CPEB3: variants seen among roughly 807,000 people sequenced by gnomAD.
CPEB3 encodes cytoplasmic polyadenylation element binding protein 3.
CPEB3 carries 20 observed loss-of-function variants against 67.2 expected under a neutral mutation model. The ratio of observed to expected loss-of-function variants is 0.30; its 90% CI spans 0.21 to 0.43. The LOEUF is 0.43. Ranked by LOEUF, CPEB3 falls within the 20% of genes least tolerant of loss-of-function variation. CPEB3 has a pLI of 1.00. For missense variants in CPEB3, 746 were observed against 968.6 expected (o/e 0.77, Z 3.05); for synonymous variants, 376 against 393.1 (o/e 0.96, Z 0.51).
At chr10:92,128,247 C>A (rs1340019893) in intron 6 of CPEB3, among the ~76,000 whole-genome samples, 3 of 152,216 alleles carry the variant, frequency 2.0e-5, no homozygotes, top group Admixed American at 2.0e-4. Flanking sequence ...AATCTTTTGG[C>A]TTCCCTGGGC....
chr10:92,064,531 T>C (rs1276861832), intron 9 of CPEB3, among the ~76,000 whole-genome samples: 1 of 152,184 alleles, frequency 6.6e-6, no homozygotes, highest in Non-Finnish European at 1.5e-5. Context: ...CAAGGGGCCA[T>C]TGCATTGTCA....
intron 6 of CPEB3, among the ~76,000 whole-genome samples, chr10:92,136,046 G>A (rs1036315604): frequency 3.3e-5 from 5 of 151,966 alleles, no homozygotes; most frequent in Admixed American, 1.3e-4. Context: ...AGCATTAGGA[G>A]AAATACCTAT....
intron 1 of CPEB3, among the ~76,000 whole-genome samples, chr10:92,247,224 A>G (rs1169201696): frequency 6.6e-6 from 1 of 151,770 alleles, no homozygotes; most frequent in African/African-American, 2.4e-5. Context: ...TTATTTTTTT[A>G]TTGTTTTTTC....
rs1211646953 is a variant in CPEB3, at chr10:92,250,858, A to ATTTT, written c.-11-10501_-11-10498dup. Among the ~76,000 whole-genome samples the ATTTT allele has an allele frequency of 3.2e-4, 33 of 104,108 alleles. 1 individual carries two copies. The highest frequency in any genetic ancestry group is 6.0e-4 in the South Asian group (2 of 3,336). The allele number at this position is 104,108 out of a possible 152,430, so 68.3% of individuals were successfully genotyped here. On this transcript the variant is annotated intron_variant, in intron 1 of 9. Coordinates refer to ENST00000265997, the MANE Select transcript of CPEB3 (RefSeq NM_014912.5). Reference sequence around the variant, plus strand: ...GCGCCTGCCACCACACACACAGTTAATTTTTTTTTTTTTTTTTTTTTTTTT... The same window carrying ATTTT: ...GCGCCTGCCACCACACACACAGTTAATTTTTTTTTTTTTTTTTTTTTTTTTTTTT...
chr10:92,172,786 G>A (rs1034492611), intron 4 of CPEB3, among the ~76,000 whole-genome samples: 1 of 152,178 alleles, frequency 6.6e-6, no homozygotes, highest in African/African-American at 2.4e-5. Flanking sequence ...TAAAGTTGGT[G>A]CTCAAGAAAA....
intron 6 of CPEB3, among the ~76,000 whole-genome samples, chr10:92,124,537 C>G (rs1403561737): frequency 6.6e-6 from 1 of 152,060 alleles, no homozygotes; most frequent in African/African-American, 2.4e-5. Context: ...AAATCACAAT[C>G]AAGTAAAATA....
chr10:92,270,451 T>C (rs181235221), intron 1 of CPEB3, among the ~76,000 whole-genome samples: 77 of 151,816 alleles, frequency 5.1e-4, no homozygotes, highest in African/African-American at 1.7e-3. Context: ...AGTAGCCAGG[T>C]GCTAGAACTC....
intron 4 of CPEB3, among the ~76,000 whole-genome samples, chr10:92,163,384 A>T (rs11186842): frequency 0.19 from 29,042 of 152,156 alleles, 3,574 homozygotes; most frequent in Non-Finnish European, 0.28. Flanking sequence ...CAGTGAGCCA[A>T]GATTGAGCCA....
intron 1 of CPEB3, among the ~76,000 whole-genome samples, chr10:92,286,128 G>T (rs111282414): frequency 1.4e-3 from 215 of 151,666 alleles, no homozygotes; most frequent in Middle Eastern, 6.8e-3. Context: ...GTAGAGACAG[G>T]GTTTCACTGT....
chr10:92,154,131 G>T (rs1002875952), intron 4 of CPEB3, among the ~76,000 whole-genome samples: 2 of 152,224 alleles, frequency 1.3e-5, no homozygotes, highest in African/African-American at 4.8e-5. Flanking sequence ...TATTAAATGT[G>T]TAGGCAAAAG....
At chr10:92,221,454 G>T (rs941702925) in intron 2 of CPEB3, among the ~76,000 whole-genome samples, 7 of 152,138 alleles carry the variant, frequency 4.6e-5, no homozygotes, top group Admixed American at 3.3e-4. Flanking sequence ...GATCACGCCA[G>T]TGCACTCCAG....
Position 92,240,070 on chromosome 10 carries a change from T to G in CPEB3, c.281A>C (p.Gln94Pro), listed in dbSNP as rs1851760419. 4 of 1,588,306 alleles carry G rather than the reference T, an allele frequency of 2.5e-6. No individual in the cohort carries two copies. Among genetic ancestry groups the G allele is most frequent in the Admixed American group, 3.6e-5 (2 of 55,584 alleles). The part of the protein sequence containing the change: ...HQPPQQPPPP[Q>P]EPAAPGASLS... Reference sequence around the variant, plus strand: ...CGACGCGCCCGGTGCCGCGGGCTCCTGAGGCGGCGGCGGCTGCTGAGGAGG... The same window carrying G: ...CGACGCGCCCGGTGCCGCGGGCTCCGGAGGCGGCGGCGGCTGCTGAGGAGG... Residue 94 changes from glutamine (Q) to proline (P), a missense_variant, in exon 2 of 10, where the codon CAG becomes CCG. Physicochemically the swap from Gln to Pro is moderately conservative, Grantham distance 76. Coordinates refer to ENST00000265997, the MANE Select transcript of CPEB3 (RefSeq NM_014912.5).
chr10:92,115,255 G>C (rs563263949), intron 6 of CPEB3, among the ~76,000 whole-genome samples: 6 of 152,350 alleles, frequency 3.9e-5, no homozygotes, highest in African/African-American at 1.4e-4. Flanking sequence ...CCGGATTCAA[G>C]TGATTCTCCT....
chr10:92,106,455 G>A (rs1844459110), intron 7 of CPEB3, among the ~76,000 whole-genome samples: 1 of 152,212 alleles, frequency 6.6e-6, no homozygotes. Context: ...ACATGATGTG[G>A]TGATCAGGGA....
intron 4 of CPEB3, among the ~76,000 whole-genome samples, chr10:92,168,412 C>T (rs1847844839): frequency 6.6e-6 from 1 of 152,150 alleles, no homozygotes; most frequent in African/African-American, 2.4e-5. Context: ...AATAAAGAGG[C>T]TTGCTTCAAG....
intron 1 of CPEB3, among the ~76,000 whole-genome samples, chr10:92,266,273 A>G (rs1853052856): frequency 6.6e-6 from 1 of 152,064 alleles, no homozygotes; most frequent in African/African-American, 2.4e-5. Context: ...GAAACATCCC[A>G]CTCTAAACAA....
chr10:92,213,252 T>C (rs1482617526), intron 2 of CPEB3, among the ~76,000 whole-genome samples: 1 of 152,206 alleles, frequency 6.6e-6, no homozygotes, highest in Non-Finnish European at 1.5e-5. Flanking sequence ...AGGTAGTGCT[T>C]GCTCAGCAAG....
intron 4 of CPEB3, among the ~76,000 whole-genome samples, chr10:92,164,777 A>C (rs1847657347): frequency 6.6e-6 from 1 of 152,228 alleles, no homozygotes; most frequent in Admixed American, 6.5e-5. Flanking sequence ...AAGTACCCAG[A>C]AATTCTCTTC....
At chr10:92,282,448 G>C (rs1842339838) in intron 1 of CPEB3, among the ~76,000 whole-genome samples, 2 of 152,212 alleles carry the variant, frequency 1.3e-5, no homozygotes, top group Admixed American at 6.5e-5. Context: ...CCAGCACTTT[G>C]GGAGGCCAAG....
Sources: gnomAD v4.1 joint callset for allele counts (sites outside exome capture counted in the v4.1 genomes callset) on GRCh38, gnomAD v4.1.1 for gene constraint, MANE v1.5 for transcripts, NCBI Gene and HGNC (gene_info 2026-07-23, HGNC 2026-07-21) for gene names.